GIMAP5: variants seen among roughly 807,000 people sequenced by gnomAD.
GIMAP5 encodes GTPase, IMAP family member 5.
In GIMAP5, 8 loss-of-function variants were observed where a neutral mutation model predicts 9.9. The ratio of observed to expected loss-of-function variants is 0.81; its 90% CI spans 0.47 to 1.45. The LOEUF (loss-of-function observed/expected upper bound fraction) is 1.45. Ranked by LOEUF, GIMAP5 falls within the 40% of genes most tolerant of loss-of-function variation. The pLI, the probability that GIMAP5 is intolerant of heterozygous loss-of-function variation, is 0.00. For synonymous variants in GIMAP5, 174 were observed against 151.4 expected (o/e 1.15, Z -1.09); for missense variants, 353 against 367.4 (o/e 0.96, Z 0.32).
chr7:150,740,607 C>T (rs1797580025), intron 1 of GIMAP5: 1 of 341,868 alleles, frequency 2.9e-6, no homozygotes, highest in African/African-American at 2.1e-5. Context: ...AGATAATCAA[C>T]TGATTTGCTT....
Position 150,743,228 on chromosome 7 carries a change from A to G in GIMAP5, c.*165A>G. 3 of 851,614 alleles carry G rather than the reference A, an allele frequency of 3.5e-6. No homozygotes were observed. Among genetic ancestry groups the G allele is most frequent in the Non-Finnish European group, 5.3e-6 (3 of 569,050 alleles). The allele number at this position is 851,614 out of a possible 1,614,324, so 52.8% of individuals were successfully genotyped here. On this transcript the variant is annotated 3_prime_UTR_variant, in exon 3 of 3. Transcript: ENST00000358647. ...GATAGACTTGGAGCTGTGTGCCTCC[A>G]CTCCAAGGCTGCCTGCCTGCTGTAA...
Position 150,742,550 on chromosome 7 carries a change from C to T in GIMAP5, c.411C>T (p.Val137=), listed in dbSNP as rs1193068254. 3.1e-6 allele frequency: 5 copies of T among 1,614,064 alleles called. No homozygotes were observed. Among genetic ancestry groups the T allele is most frequent in the Non-Finnish European group, 4.2e-6 (5 of 1,180,044 alleles). Residue 137 remains valine (V), a synonymous_variant, in exon 3 of 3, where the codon GTC becomes GTT. Coordinates refer to ENST00000358647, the MANE Select transcript of GIMAP5 (RefSeq NM_018384.5). ...DTVAIRKVKE[V]FGTGAMRHVV... is the part of the protein sequence containing the mutation. ...TGGCCATCAGGAAGGTGAAAGAGGT[C>T]TTTGGGACAGGGGCCATGAGACATG... is the stretch of plus-strand genomic sequence containing the variant.
At chr7:150,741,421 TGAA>T (rs1325349372) in intron 2 of GIMAP5, among the ~76,000 whole-genome samples, 1 of 152,176 alleles carries the variant, frequency 6.6e-6, no homozygotes, top group Non-Finnish European at 1.5e-5. Flanking sequence ...TCTTCGTGCC[TGAA>T]GATTTTCGCT....
chr7:150,737,507 G>A lies in GIMAP5; in HGVS notation c.-208G>A. ...TCTCTACTTTTCTTTTTGTGCAGCT[G>A]AGTCATGGAGCTTTCAGCCCCAGCA... On this transcript the variant is annotated 5_prime_UTR_variant, in exon 1 of 3. Coordinates refer to ENST00000358647, the MANE Select transcript of GIMAP5 (RefSeq NM_018384.5). The A allele has an allele frequency of 2.0e-6, 3 of 1,535,306 alleles. No homozygotes were observed. The highest frequency in any genetic ancestry group is 2.4e-5 in the South Asian group (2 of 84,044).
intron 1 of GIMAP5, chr7:150,738,049 A>C (rs1396389837): frequency 3.2e-6 from 1 of 311,000 alleles, no homozygotes; most frequent in Middle Eastern, 1.0e-3. Context: ...GGGAGAACTG[A>C]AGCTCCCAGA....
At position 150,742,610 on chromosome 7, in the gene GIMAP5, G is replaced by C; in HGVS notation, c.471G>C (p.Gly157=). Residue 157 remains glycine, a synonymous_variant, in exon 3 of 3, where the codon GGG becomes GGC. Coordinates refer to ENST00000358647, the MANE Select transcript of GIMAP5 (RefSeq NM_018384.5). ...TCTTCACCCACAAAGAGGACTTAGGGGGCCAGGCCCTGGATGACTATGTAG... is the reference window on the plus strand; with the variant it reads ...TCTTCACCCACAAAGAGGACTTAGGCGGCCAGGCCCTGGATGACTATGTAG... ...VILFTHKEDL[G]GQALDDYVAN... is the part of the protein sequence containing the mutation. 3 of 1,614,208 alleles carry C rather than the reference G, an allele frequency of 1.9e-6. No individual in the cohort carries two copies. Among genetic ancestry groups the C allele is most frequent in the Non-Finnish European group, 2.5e-6 (3 of 1,180,038 alleles).
In GIMAP5 at chr7:150,742,188, T is replaced by C; in HGVS notation, c.49T>C (p.Ser17Pro). The change falls in exon 3 of 3, where the codon TCA becomes CCA. Residue 17 changes from serine to proline, a missense_variant. Transcript: ENST00000358647. ...GKYGTMAEGR[S>P]EDNLSATPPA... The stretch of plus-strand genomic sequence containing the variant: ...CAAAACTTCGTTTTCTACAGGTAGA[T>C]CAGAAGATAACTTGTCTGCAACACC... The C allele has an allele frequency of 1.2e-6, 2 of 1,613,206 alleles. No homozygotes were observed. Among genetic ancestry groups the C allele is most frequent in the Non-Finnish European group, 1.7e-6 (2 of 1,179,264 alleles).
Position 150,737,514 on chromosome 7 carries a change from G to A in GIMAP5, c.-201G>A. 1 of 1,535,464 alleles carries A rather than the reference G, an allele frequency of 6.5e-7. No homozygotes were observed. The highest frequency in any genetic ancestry group is 8.7e-7 in the Non-Finnish European group (1 of 1,146,770). ...TTTTCTTTTTGTGCAGCTGAGTCAT[G>A]GAGCTTTCAGCCCCAGCACATGGCT... On this transcript the variant is annotated 5_prime_UTR_variant, in exon 1 of 3. An upstream start codon of the reference 5' UTR is lost. Coordinates refer to ENST00000358647, the MANE Select transcript of GIMAP5 (RefSeq NM_018384.5).
rs1176863856 is a variant in GIMAP5 at position 150,742,446 on chromosome 7, T to A, written c.307T>A (p.Cys103Ser). The A allele has an allele frequency of 7.4e-6, 12 of 1,614,208 alleles. No individual in the cohort carries two copies. The highest frequency in any genetic ancestry group is 9.3e-6 in the Non-Finnish European group (11 of 1,180,018). Residue 103 changes from cysteine to serine, a missense_variant, in exon 3 of 3, where the codon TGC becomes AGC. Cys to Ser is a moderately radical substitution (Grantham distance 112, BLOSUM62 -1). Coordinates refer to ENST00000358647, the MANE Select transcript of GIMAP5 (RefSeq NM_018384.5). ...TQELYKNIGD[C>S]YLLSAPGPHV... ...AGAGCTGTACAAGAACATCGGGGAC[T>A]GCTACCTGCTCTCTGCCCCGGGGCC...
chr7:150,741,123 T>A (rs532289037), intron 2 of GIMAP5, among the ~76,000 whole-genome samples, 196 bp downstream of exon 2: 1 of 152,274 alleles, frequency 6.6e-6, no homozygotes, highest in East Asian at 1.9e-4. Context: ...CATAGTGTGA[T>A]GCTCTCCCTG....
Position 150,737,520 on chromosome 7 carries a change from T to C in GIMAP5, c.-195T>C. ...TTTTGTGCAGCTGAGTCATGGAGCTTTCAGCCCCAGCACATGGCTCCTCCT... is the reference window on the plus strand; with the variant it reads ...TTTTGTGCAGCTGAGTCATGGAGCTCTCAGCCCCAGCACATGGCTCCTCCT... On this transcript the variant is annotated 5_prime_UTR_variant, in exon 1 of 3. Transcript: ENST00000358647. 6.5e-7 allele frequency: 1 copy of C among 1,535,418 alleles called. No individual in the cohort carries two copies. The highest frequency in any genetic ancestry group is 8.7e-7 in the Non-Finnish European group (1 of 1,146,740).
At chr7:150,739,220 A>G (rs1797560087) in intron 1 of GIMAP5, 1 of 152,188 alleles carries the variant, frequency 6.6e-6, no homozygotes, top group African/African-American at 2.4e-5. Flanking sequence ...CATTGTACAC[A>G]TGTTCCAAGA....
intron 1 of GIMAP5, 93 bp from the exon 2 acceptor site, chr7:150,740,786 A>T (rs1426559654): frequency 8.2e-6 from 10 of 1,212,406 alleles, no homozygotes; most frequent in Middle Eastern, 2.0e-4. Context: ...TTTGAGAATG[A>T]TTATTCTTAG....
chr7:150,737,694 C>T lies in GIMAP5; in HGVS notation c.-21C>T, dbSNP rs1418800240. 6.5e-7 allele frequency: 1 copy of T among 1,535,412 alleles called. No individual in the cohort carries two copies. The highest frequency in any genetic ancestry group is 8.7e-7 in the Non-Finnish European group (1 of 1,146,800). On this transcript the variant is annotated 5_prime_UTR_variant, in exon 1 of 3. Coordinates refer to ENST00000358647, the MANE Select transcript of GIMAP5 (RefSeq NM_018384.5). ...GACTGCCACCCTGGAGGACAGGGCA[C>T]AACAACCGTTTCTGGTAAGGAGAAC...
chr7:150,742,047 A>G, intron 2 of GIMAP5, 136 bp from the exon 3 acceptor site: 1 of 1,085,974 alleles, frequency 9.2e-7, no homozygotes, highest in Non-Finnish European at 1.3e-6. Flanking sequence ...AGTTGTATGC[A>G]CACTTTTATG....
chr7:150,738,218 G>A (rs1426727873), intron 1 of GIMAP5: 1 of 156,490 alleles, frequency 6.4e-6, no homozygotes, highest in Non-Finnish European at 1.4e-5. Flanking sequence ...GGGCAAATGT[G>A]GGATATTTTC....
chr7:150,741,045 A>G lies in GIMAP5; in HGVS notation c.43+118A>G. 3 of 1,032,892 alleles carry G rather than the reference A, an allele frequency of 2.9e-6. No homozygotes were observed. The South Asian group carries it at 4.3e-5, about 15-fold the overall frequency. The allele number at this position is 1,032,892 out of a possible 1,614,324, so 64.0% of individuals were successfully genotyped here. On this transcript the variant is annotated intron_variant, in intron 2 of 2. Coordinates refer to ENST00000358647, the MANE Select transcript of GIMAP5 (RefSeq NM_018384.5). ...AACCCATTCATTTTAAATGAAGAAG[A>G]TAAAGGCAACTATCATCACGTGTGT...
rs771684485 is a variant in GIMAP5, at chr7:150,742,363, G to A, written c.224G>A (p.Gly75Glu). The stretch of plus-strand genomic sequence containing the variant: ...CAGGTGAAAACAGGAACATGGAACG[G>A]GAGGAAAGTCCTGGTGGTTGACACG... Reference protein sequence around the residue: ...TCQVKTGTWNGRKVLVVDTPS... With the variant: ...TCQVKTGTWNERKVLVVDTPS... The change falls in exon 3 of 3, where the codon GGG (glycine) becomes GAG (glutamate). Residue 75 changes from glycine (G) to glutamate (E), a missense_variant. Physicochemically the swap from Gly to Glu is moderately conservative, Grantham distance 98 (BLOSUM62 -2). Transcript: ENST00000358647. 2 of 1,614,184 alleles carry A rather than the reference G, an allele frequency of 1.2e-6. No homozygotes were observed. Among genetic ancestry groups the A allele is most frequent in the Admixed American group, 3.3e-5 (2 of 60,034 alleles).
intron 1 of GIMAP5, chr7:150,740,191 G>A (rs572423124): frequency 7.9e-5 from 12 of 152,314 alleles, no homozygotes; most frequent in East Asian, 7.7e-4. Flanking sequence ...CTGGAAACCC[G>A]GAGCAGGCAA....
Sources: gnomAD v4.1 joint callset for allele counts (sites outside exome capture counted in the v4.1 genomes callset) on GRCh38, gnomAD v4.1.1 for gene constraint, MANE v1.5 for transcripts, NCBI Gene and HGNC (gene_info 2026-07-23, HGNC 2026-07-21) for gene names.